DCHS2: variants seen among roughly 807,000 people sequenced by gnomAD.
DCHS2 encodes the protein dachsous cadherin-related 2, also known as protocadherin-23.
A neutral mutation model predicts 182.4 loss-of-function variants in DCHS2; 142 were observed. The ratio of observed to expected loss-of-function variants is 0.78; its 90% CI spans 0.68 to 0.89. The LOEUF (loss-of-function observed/expected upper bound fraction) is 0.89. Among genes scored for constraint, DCHS2 ranks in the 40% least tolerant of loss-of-function variants. The pLI, the probability that DCHS2 is intolerant of heterozygous loss-of-function variation, is 0.00. For synonymous variants in DCHS2, 1,740 were observed against 1,663.3 expected, an observed-to-expected ratio of 1.05 and a Z score of -1.12; for missense variants, 4,319 against 4,198.6, an observed-to-expected ratio of 1.03 and a Z score of -0.79.
chr4:154,391,439 TAGGC>T, intron 1 of DCHS2: 1 of 1,226,218 alleles, frequency 8.2e-7, no homozygotes, highest in Non-Finnish European at 1.1e-6. Context: ...AAACTAAAAA[TAGGC>T]AGATCAGAGA....
intron 1 of DCHS2, among the ~76,000 whole-genome samples, chr4:154,434,601 G>A (rs994297807): frequency 6.6e-6 from 1 of 152,132 alleles, no homozygotes; most frequent in African/African-American, 2.4e-5. Context: ...AAGGGTACAT[G>A]AGTGTTTTTT....
At chr4:154,374,040 C>T (rs1730776147) in intron 2 of DCHS2, 4 of 1,180,810 alleles carry the variant, frequency 3.4e-6, no homozygotes, top group South Asian at 1.4e-5. Context: ...CTTATATAAC[C>T]ACCTCTATAT....
At chr4:154,389,025 A>G (rs886481141) in intron 1 of DCHS2, among the ~76,000 whole-genome samples, 4 of 152,148 alleles carry the variant, frequency 2.6e-5, no homozygotes, top group Admixed American at 1.3e-4. Context: ...CAAGGGCCGG[A>G]CAGTAAATAT....
chr4:154,293,227 A>G (rs1464865223), intron 13 of DCHS2, among the ~76,000 whole-genome samples: 1 of 151,660 alleles, frequency 6.6e-6, no homozygotes, highest in East Asian at 1.9e-4. Flanking sequence ...TCTGAGACGC[A>G]GTTTCGCTCT....
intron 5 of DCHS2, among the ~76,000 whole-genome samples, chr4:154,330,540 A>T (rs1736480221): frequency 6.6e-6 from 1 of 152,206 alleles, no homozygotes; most frequent in Non-Finnish European, 1.5e-5. Context: ...AGCCTGTCAG[A>T]GCTCTGCCAA....
chr4:154,423,297 A>G (rs542686497), intron 1 of DCHS2, among the ~76,000 whole-genome samples: 1 of 152,366 alleles, frequency 6.6e-6, no homozygotes, highest in South Asian at 2.1e-4. Context: ...GAAAGGAGTC[A>G]TGTGATATGT....
In DCHS2 at chr4:154,490,534, G is replaced by A; in HGVS notation, c.822C>T (p.Pro274=). ...LQIEAWDGGR[P]RRTGLLSVEL... ...CCACGCTCAGGAGGCCGGTGCGCCG[G>A]GGTCGGCCGCCGTCCCATGCCTCGA... The change falls in exon 1 of 20, where the codon CCC becomes CCT. Residue 274 remains proline (P), a synonymous_variant. Transcript: ENST00000357232. 1 of 1,537,410 alleles carries A rather than the reference G, an allele frequency of 6.5e-7. No homozygotes were observed. The highest frequency in any genetic ancestry group is 8.7e-7 in the Non-Finnish European group (1 of 1,145,298).
At chr4:154,442,293 C>T (rs1463474230) in intron 1 of DCHS2, among the ~76,000 whole-genome samples, 2 of 152,022 alleles carry the variant, frequency 1.3e-5, no homozygotes, top group Non-Finnish European at 2.9e-5. Flanking sequence ...ACTATCATTC[C>T]TCCACCTTGT....
At chr4:154,446,348 A>T (rs1734284179) in intron 1 of DCHS2, among the ~76,000 whole-genome samples, 1 of 152,232 alleles carries the variant, frequency 6.6e-6, no homozygotes, top group South Asian at 2.1e-4. Flanking sequence ...CACTAAAGTT[A>T]TCACAGACCC....
intron 1 of DCHS2, among the ~76,000 whole-genome samples, chr4:154,420,292 G>GATAT (rs1733057322): frequency 1.3e-5 from 2 of 151,830 alleles, no homozygotes; most frequent in Non-Finnish European, 2.9e-5. Context: ...TAGATAGATA[G>GATAT]ATAGATAGAT....
chr4:154,249,115 C>T (rs141493537), intron 16 of DCHS2, among the ~76,000 whole-genome samples: 2 of 152,130 alleles, frequency 1.3e-5, no homozygotes, highest in East Asian at 3.9e-4. Context: ...AGAGCTTCTG[C>T]ACAATAAAAG....
At chr4:154,331,837 G>C in intron 5 of DCHS2, 1 of 1,030,698 alleles carries the variant, frequency 9.7e-7, no homozygotes, top group Non-Finnish European at 1.3e-6. Context: ...TTCATTGTAA[G>C]GATTAAATAA....
At position 154,333,404 on chromosome 4, in the gene DCHS2, C is replaced by A; in HGVS notation, c.2804G>T (p.Arg935Leu). ...CTGCGTCTCGTGATCCAGGGGCTTCCGGGTGCGAATAGTGCCCAGCCGCGG... is the reference window on the plus strand; with the variant it reads ...CTGCGTCTCGTGATCCAGGGGCTTCAGGGTGCGAATAGTGCCCAGCCGCGG... ...IHPRLGTIRTRKPLDHETQPV... is the reference protein window; with the variant it reads ...IHPRLGTIRTLKPLDHETQPV... The change falls in exon 5 of 20, where the codon CGG becomes CTG. Residue 935 changes from arginine (R) to leucine (L), a missense_variant. Physicochemically the swap from Arg to Leu is moderately radical, Grantham distance 102 (BLOSUM62 -2). Transcript: ENST00000357232. The A allele has an allele frequency of 6.2e-7, 1 of 1,614,062 alleles. No individual in the cohort carries two copies. Among genetic ancestry groups the A allele is most frequent in the Non-Finnish European group, 8.5e-7 (1 of 1,180,018 alleles).
chr4:154,375,185 G>GT (rs1263882049), intron 2 of DCHS2, among the ~76,000 whole-genome samples: 1 of 152,060 alleles, frequency 6.6e-6, no homozygotes, highest in Non-Finnish European at 1.5e-5. Context: ...TTGAAAAAAA[G>GT]TAAGTATGAA....
chr4:154,426,391 T>A (rs1733325680), intron 1 of DCHS2, among the ~76,000 whole-genome samples: 1 of 152,192 alleles, frequency 6.6e-6, no homozygotes, highest in Admixed American at 6.6e-5. Flanking sequence ...ACCTGTTTTC[T>A]CACTTTGCAG....
At chr4:154,247,791 C>A (rs894851926) in intron 16 of DCHS2, among the ~76,000 whole-genome samples, 3 of 151,794 alleles carry the variant, frequency 2.0e-5, no homozygotes, top group Admixed American at 6.6e-5. Flanking sequence ...GCATATATTA[C>A]ATGAAAGAGT....
intron 10 of DCHS2, among the ~76,000 whole-genome samples, chr4:154,313,377 C>A (rs1177971005): frequency 2.0e-5 from 3 of 152,154 alleles, no homozygotes; most frequent in Non-Finnish European, 4.4e-5. Flanking sequence ...ACATTCAGTG[C>A]TCAAATCCCT....
rs62330362 is a variant in DCHS2, at chr4:154,442,991, A to C, written c.2052+46313T>G. On this transcript the variant is annotated intron_variant, in intron 1 of 19. Transcript: ENST00000357232. ...AATGCCAATAACTGCACCATCTACAAACACCCCAAACTCAACTTTCCCTTT... is the reference window on the plus strand; with the variant it reads ...AATGCCAATAACTGCACCATCTACACACACCCCAAACTCAACTTTCCCTTT... Among the ~76,000 whole-genome samples, 1,001 of 151,732 alleles carry C rather than the reference A, an allele frequency of 6.6e-3. 4 individuals are homozygous for C. Among genetic ancestry groups the C allele is most frequent in the Non-Finnish European group, 9.6e-3 (650 of 67,900 alleles).
intron 1 of DCHS2, among the ~76,000 whole-genome samples, chr4:154,421,486 C>T (rs761124892): frequency 1.7e-4 from 26 of 152,088 alleles, no homozygotes; most frequent in African/African-American, 5.1e-4. Context: ...CCTCTGCCTC[C>T]GTGGTTTAAG....
Sources: allele counts gnomAD v4.1 joint callset (sites outside exome capture counted in the v4.1 genomes callset), GRCh38; gene constraint gnomAD v4.1.1; transcripts MANE v1.5; gene names NCBI Gene and HGNC (gene_info 2026-07-23, HGNC 2026-07-21).